The following GPC5 variants were observed in gnomAD, a reference collection of about 807,000 sequenced individuals.
GPC5 encodes glypican 5.
GPC5 carries 47 observed loss-of-function variants against 53.9 expected under a neutral mutation model. The observed-to-expected ratio is 0.87, with a 90% CI of 0.69 to 1.11. The LOEUF (loss-of-function observed/expected upper bound fraction) is 1.11. Among genes scored for constraint, GPC5 ranks in the 50% most tolerant of loss-of-function variants. The probability of loss-of-function intolerance (pLI) is 0.00; values close to 1 mark genes in which losing one functional copy is unlikely to be tolerated. For synonymous variants in GPC5, 286 were observed against 263.3 expected (o/e 1.09, Z -0.84); for missense variants, 748 against 713.1 (o/e 1.05, Z -0.56).
chr13:92,052,339 C>T (rs2015249), intron 6 of GPC5, among the ~76,000 whole-genome samples: 84,565 of 152,000 alleles, frequency 0.56, 23,857 homozygotes, highest in East Asian at 0.79. Context: ...GTGAGTGTTA[C>T]AGCTCTTAAA....
chr13:92,674,843 C>T (rs1435824404), intron 7 of GPC5, among the ~76,000 whole-genome samples: 3 of 151,988 alleles, frequency 2.0e-5, no homozygotes, highest in Non-Finnish European at 4.4e-5. Flanking sequence ...AGCAAAAATT[C>T]AGCATCATCA....
At chr13:92,330,849 A>C (rs751787169) in intron 7 of GPC5, among the ~76,000 whole-genome samples, 1 of 151,994 alleles carries the variant, frequency 6.6e-6, no homozygotes, top group Non-Finnish European at 1.5e-5. Context: ...TGACCAGCAC[A>C]CTCCAGGACA....
chr13:92,677,777 C>T (rs1886995318), intron 7 of GPC5, among the ~76,000 whole-genome samples: 1 of 142,160 alleles, frequency 7.0e-6, no homozygotes, highest in Non-Finnish European at 1.6e-5. Flanking sequence ...GACGCCACCC[C>T]ACCCATGTGC....
chr13:92,735,136 C>A (rs940384720), intron 7 of GPC5, among the ~76,000 whole-genome samples: 1 of 151,816 alleles, frequency 6.6e-6, no homozygotes, highest in Non-Finnish European at 1.5e-5. Flanking sequence ...TACAAACATA[C>A]GGCATTTGTA....
At chr13:91,984,520 G>A (rs1429713652) in intron 6 of GPC5, among the ~76,000 whole-genome samples, 1 of 152,138 alleles carries the variant, frequency 6.6e-6, no homozygotes, top group African/African-American at 2.4e-5. Context: ...ACGCTCACGT[G>A]GACAACCCGT....
At chr13:91,840,740 AT>A (rs1555290333) in intron 5 of GPC5, among the ~76,000 whole-genome samples, 1 of 150,148 alleles carries the variant, frequency 6.7e-6, no homozygotes, top group African/African-American at 2.5e-5. Flanking sequence ...ATAAGTTCCT[AT>A]TTTTATTTTT....
At chr13:92,527,823 G>C (rs367549714) in intron 7 of GPC5, among the ~76,000 whole-genome samples, 2 of 151,918 alleles carry the variant, frequency 1.3e-5, no homozygotes, top group South Asian at 4.1e-4. Context: ...CTATAACACA[G>C]AGAAAATTAC....
intron 7 of GPC5, among the ~76,000 whole-genome samples, chr13:92,802,137 ATTT>A: frequency 6.6e-6 from 1 of 151,934 alleles, no homozygotes; most frequent in East Asian, 1.9e-4. Flanking sequence ...CAGGTGTACC[ATTT>A]TTTATTGTAC....
chr13:92,825,375 G>A lies in GPC5; in HGVS notation c.1562-40907G>A, dbSNP rs146892900. 2.1e-3 allele frequency among the ~76,000 whole-genome samples: 323 copies of A among 152,012 alleles called. 1 individual carries two copies. Among genetic ancestry groups the A allele is most frequent in the African/African-American group, 6.9e-3 (288 of 41,452 alleles). ...GTCAATGCAAAGATACCTATAATGC[G>A]CATGCAATAAAAATAAAGACAAGGG... On this transcript the variant is annotated intron_variant, in intron 7 of 7. Transcript: ENST00000377067.
At chr13:91,944,714 A>C (rs879383401) in intron 6 of GPC5, among the ~76,000 whole-genome samples, 1 of 152,226 alleles carries the variant, frequency 6.6e-6, no homozygotes, top group Admixed American at 6.5e-5. Flanking sequence ...CACCTACTCC[A>C]AACTAGGTTG....
intron 5 of GPC5, among the ~76,000 whole-genome samples, chr13:91,806,018 A>G (rs2038213395): frequency 1.4e-5 from 2 of 140,194 alleles, no homozygotes; most frequent in South Asian, 2.2e-4. Flanking sequence ...AACAAATACA[A>G]TAATTTTTTT....
chr13:92,152,524 A>G (rs2041914376), intron 7 of GPC5, among the ~76,000 whole-genome samples: 2 of 152,124 alleles, frequency 1.3e-5, no homozygotes, highest in South Asian at 4.1e-4. Flanking sequence ...ATTAGTAATA[A>G]AGGAATGTTT....
intron 7 of GPC5, among the ~76,000 whole-genome samples, chr13:92,426,436 T>A (rs912103475): frequency 5.3e-5 from 8 of 152,148 alleles, no homozygotes; most frequent in African/African-American, 1.9e-4. Flanking sequence ...CTTTCCATAT[T>A]TTAAAAAATA....
At chr13:92,774,744 A>ATT (rs947581387) in intron 7 of GPC5, among the ~76,000 whole-genome samples, 3 of 152,204 alleles carry the variant, frequency 2.0e-5, no homozygotes, top group African/African-American at 7.2e-5. Flanking sequence ...TGAAAGATTC[A>ATT]TTTAACCATT....
chr13:92,151,721 T>C (rs960613707), intron 7 of GPC5, among the ~76,000 whole-genome samples: 1 of 152,170 alleles, frequency 6.6e-6, no homozygotes, highest in Admixed American at 6.5e-5. Context: ...AGCAGAAATG[T>C]TTCACATTTA....
At chr13:92,331,963 A>G (rs1415366233) in intron 7 of GPC5, among the ~76,000 whole-genome samples, 1 of 152,184 alleles carries the variant, frequency 6.6e-6, no homozygotes, top group Non-Finnish European at 1.5e-5. Flanking sequence ...TAAGCAAAGT[A>G]AGAAGTAATT....
chr13:92,495,871 A>G (rs1298180641), intron 7 of GPC5, among the ~76,000 whole-genome samples: 1 of 152,002 alleles, frequency 6.6e-6, no homozygotes, highest in African/African-American at 2.4e-5. Context: ...ATTCGTCTAA[A>G]TATTCTCGAT....
At chr13:91,521,573 CAT>C (rs1274955514) in intron 2 of GPC5, among the ~76,000 whole-genome samples, 1 of 152,164 alleles carries the variant, frequency 6.6e-6, no homozygotes, top group East Asian at 1.9e-4. Flanking sequence ...ACTTAAAAAA[CAT>C]GTTCTGACAA....
At position 92,668,457 on chromosome 13, in the gene GPC5, T is replaced by C. The variant is rs538062117; in HGVS notation, c.1562-197825T>C. Among the ~76,000 whole-genome samples the C allele has an allele frequency of 7.4e-4, 112 of 152,290 alleles. 1 individual carries two copies. The highest frequency in any genetic ancestry group is 2.4e-3 in the African/African-American group (101 of 41,584). On this transcript the variant is annotated intron_variant, in intron 7 of 7. Transcript: ENST00000377067. ...CTCACTATTCAGTTGGAATATCACA[T>C]TCAGCAAGAGAATGTTTCAGTTTTT...
Sources: allele counts gnomAD v4.1 joint callset (sites outside exome capture counted in the v4.1 genomes callset), GRCh38; gene constraint gnomAD v4.1.1; transcripts MANE v1.5; gene names NCBI Gene and HGNC (gene_info 2026-07-23, HGNC 2026-07-21).